Variants in UGT1A10 observed in about 807,000 individuals in gnomAD.
UGT1A10 encodes the protein UDP glucuronosyltransferase family 1 member A10.
UGT1A10 carries 49 observed loss-of-function variants against 45.8 expected under a neutral mutation model. The ratio of observed to expected loss-of-function variants is 1.07; its 90% CI spans 0.85 to 1.36. The LOEUF is 1.36. Among genes scored for constraint, UGT1A10 ranks in the 40% most tolerant of loss-of-function variants. The pLI is 0.00. For synonymous variants in UGT1A10, 284 were observed against 249.7 expected (o/e 1.14, Z -1.29); for missense variants, 745 against 668.6 (o/e 1.11, Z -1.26).
intron 1 of UGT1A10, among the ~76,000 whole-genome samples, chr2:233,668,626 G>T (rs1023502067): frequency 6.6e-6 from 1 of 152,176 alleles, no homozygotes; most frequent in Non-Finnish European, 1.5e-5. Context: ...TTGAGGAATT[G>T]CCACACTGTC....
chr2:233,729,120 T>A, intron 1 of UGT1A10: 1 of 1,613,088 alleles, frequency 6.2e-7, no homozygotes, highest in Non-Finnish European at 8.5e-7. Context: ...CCGTGTCTTC[T>A]GCTGAGATGG....
At chr2:233,648,157 C>G in intron 1 of UGT1A10, 1 of 1,155,184 alleles carries the variant, frequency 8.7e-7, no homozygotes, top group Non-Finnish European at 1.2e-6. Flanking sequence ...CTTATTTTCT[C>G]TATTAATGAG....
Position 233,747,385 on chromosome 2 carries a change from C to T in UGT1A10, c.856-19649C>T, listed in dbSNP as rs531193212. The T allele has an allele frequency of 6.7e-4, 1,075 of 1,604,740 alleles. 9 individuals are homozygous for T. The highest frequency in any genetic ancestry group is 4.1e-3 in the African/African-American group (305 of 74,460). Reference sequence around the variant, plus strand: ...GAGCTCCATGCCAGAGGCCACCAGGCGGTGGTCCTCACCCCAGAGGTGAAT... The same window carrying T: ...GAGCTCCATGCCAGAGGCCACCAGGTGGTGGTCCTCACCCCAGAGGTGAAT... On this transcript the variant is annotated intron_variant, in intron 1 of 4. Transcript: ENST00000344644.
chr2:233,648,796 A>AACC (rs929841878), intron 1 of UGT1A10: 1 of 916,456 alleles, frequency 1.1e-6, no homozygotes, highest in African/African-American at 1.7e-5. Flanking sequence ...GAGAGTAAGG[A>AACC]ACCACATCTT....
rs1699345789 is a variant in UGT1A10 at position 233,767,247 on chromosome 2, C to T, written c.987+82C>T. 3.2e-5 allele frequency: 52 copies of T among 1,603,298 alleles called. No individual in the cohort carries two copies. In the South Asian group the frequency reaches 5.5e-4, roughly 17 times the overall value. ...GACTTCCAGCTTCCAGATTAATTCTCTTAATTGGAACCTTAGATTTGGCTT... is the reference window on the plus strand; with the variant it reads ...GACTTCCAGCTTCCAGATTAATTCTTTTAATTGGAACCTTAGATTTGGCTT... On this transcript the variant is annotated intron_variant, in intron 2 of 4. Coordinates refer to ENST00000344644, the MANE Select transcript of UGT1A10 (RefSeq NM_019075.4).
chr2:233,695,328 G>A lies in UGT1A10; in HGVS notation c.855+57951G>A, dbSNP rs377270766. Among the ~76,000 whole-genome samples, 90 of 151,830 alleles carry A rather than the reference G, an allele frequency of 5.9e-4. 2 individuals are homozygous for A. In the South Asian group the frequency reaches 0.017, roughly 29 times the overall value. ...TTTAGTAGAGGCGGGGTTTCACCAC[G>A]TTGGCCAGGATGGTCTCAATCTCTT... On this transcript the variant is annotated intron_variant, in intron 1 of 4. Transcript: ENST00000344644.
intron 1 of UGT1A10, among the ~76,000 whole-genome samples, chr2:233,744,817 A>G (rs1304703196): frequency 6.6e-6 from 1 of 151,914 alleles, no homozygotes; most frequent in East Asian, 1.9e-4. Flanking sequence ...TTCCTGGCTC[A>G]TACTTTGAGA....
At position 233,769,478 on chromosome 2, in the gene UGT1A10, TGC is replaced by T; in HGVS notation, c.1295+1041_1295+1042del. The stretch of plus-strand genomic sequence containing the variant: ...GCATTCATATGCGTGTGTGTGTGTG[TGC>T]GTGTGTTTATGAGAGTGTCCATTGC... On this transcript the variant is annotated intron_variant, in intron 4 of 4. Transcript: ENST00000344644. The surrounding 1 kb of genome is among the most constrained non-coding windows in gnomAD (Gnocchi z 4.4). 2 of 1,611,018 alleles carry T rather than the reference TGC, an allele frequency of 1.2e-6. No individual in the cohort carries two copies. Among genetic ancestry groups the T allele is most frequent in the South Asian group, 1.1e-5 (1 of 90,926 alleles).
chr2:233,716,339 C>A (rs998115073), intron 1 of UGT1A10, among the ~76,000 whole-genome samples: 4 of 152,212 alleles, frequency 2.6e-5, no homozygotes, highest in African/African-American at 9.7e-5. Context: ...CAGGTTTGCG[C>A]AACTACAATG....
chr2:233,721,761 G>T (rs1319151225), intron 1 of UGT1A10: 5 of 472,432 alleles, frequency 1.1e-5, no homozygotes, highest in Admixed American at 8.9e-5. Flanking sequence ...CATCTAAATT[G>T]TTATATTTAG....
At chr2:233,702,198 G>A (rs190961458) in intron 1 of UGT1A10, among the ~76,000 whole-genome samples, 2 of 152,258 alleles carry the variant, frequency 1.3e-5, no homozygotes, top group Non-Finnish European at 1.5e-5. Flanking sequence ...GCCCCTGGCA[G>A]CCATTAATCA....
chr2:233,744,318 TG>T (rs1692773667), intron 1 of UGT1A10, among the ~76,000 whole-genome samples: 2 of 151,754 alleles, frequency 1.3e-5, no homozygotes, highest in Admixed American at 1.3e-4. Flanking sequence ...AAGAGGGTGG[TG>T]GGAGTGAGTT....
chr2:233,752,390 G>A (rs1694961532), intron 1 of UGT1A10: 2 of 152,134 alleles, frequency 1.3e-5, no homozygotes, highest in Admixed American at 1.3e-4. Flanking sequence ...TGCAACAGAG[G>A]AAATGCCCCT....
intron 1 of UGT1A10, among the ~76,000 whole-genome samples, chr2:233,646,900 T>C (rs554019014): frequency 2.6e-5 from 4 of 152,334 alleles, no homozygotes; most frequent in African/African-American, 9.6e-5. Flanking sequence ...CTGGTACCAA[T>C]TGACTGTATT....
At chr2:233,725,198 A>C (rs1414997731) in intron 1 of UGT1A10, among the ~76,000 whole-genome samples, 7 of 86,674 alleles carry the variant, frequency 8.1e-5, no homozygotes, top group African/African-American at 6.8e-4. Flanking sequence ...AGGCAGAGGC[A>C]GAGGCAGAGG....
intron 1 of UGT1A10, among the ~76,000 whole-genome samples, chr2:233,732,434 T>A (rs2078271939): frequency 6.6e-6 from 1 of 152,264 alleles, no homozygotes; most frequent in African/African-American, 2.4e-5. Context: ...AGGATTTTTA[T>A]GGTTTTAGGT....
chr2:233,708,992 T>C (rs1297218412), intron 1 of UGT1A10, among the ~76,000 whole-genome samples: 1 of 152,200 alleles, frequency 6.6e-6, no homozygotes, highest in African/African-American at 2.4e-5. Context: ...GGCCGTGGCA[T>C]CCTTCTCAGT....
chr2:233,725,118 G>C (rs1450437592), intron 1 of UGT1A10, among the ~76,000 whole-genome samples: 1 of 140,180 alleles, frequency 7.1e-6, no homozygotes, highest in Non-Finnish European at 1.5e-5. Context: ...GGAGGTTGCA[G>C]TGAGCCGAGA....
At chr2:233,710,361 A>G (rs765763847) in intron 1 of UGT1A10, among the ~76,000 whole-genome samples, 6 of 152,226 alleles carry the variant, frequency 3.9e-5, no homozygotes, top group Non-Finnish European at 8.8e-5. Flanking sequence ...AAGCAGTTAT[A>G]CAATTTTACA....
Sources: allele counts gnomAD v4.1 joint callset (sites outside exome capture counted in the v4.1 genomes callset), GRCh38; gene constraint gnomAD v4.1.1; non-coding constraint Gnocchi (gnomAD v3.1); transcripts MANE v1.5; gene names NCBI Gene and HGNC (gene_info 2026-07-23, HGNC 2026-07-21).